Variants in CTNNA3 observed in about 807,000 individuals in gnomAD.
The protein encoded by CTNNA3 is catenin alpha-3.
In CTNNA3, 76 loss-of-function variants were observed where a neutral mutation model predicts 95.7. The observed-to-expected ratio is 0.79, with a 90% CI of 0.66 to 0.96. CTNNA3 has a LOEUF of 0.96. Ranked by LOEUF, CTNNA3 falls within the 40% of genes least tolerant of loss-of-function variation. The probability of loss-of-function intolerance (pLI) is 0.00; values close to 1 mark genes in which losing one functional copy is unlikely to be tolerated. For synonymous variants in CTNNA3, 431 were observed against 374.4 expected (o/e 1.15, Z -1.74); for missense variants, 1,191 against 1,089.8 (o/e 1.09, Z -1.31).
intron 7 of CTNNA3, among the ~76,000 whole-genome samples, chr10:67,071,568 T>C (rs1234916365): frequency 6.6e-6 from 1 of 152,074 alleles, no homozygotes; most frequent in Non-Finnish European, 1.5e-5. Context: ...TCAGCAGTTT[T>C]ACTGAAATGT....
chr10:66,943,519 CT>C (rs34477836), intron 7 of CTNNA3, among the ~76,000 whole-genome samples: 120,842 of 141,470 alleles, frequency 0.85, 53,303 homozygotes, highest in Non-Finnish European at 0.98. Flanking sequence ...TTCCCCCACC[CT>C]TTTTTTTTTT....
chr10:66,764,838 A>C (rs1246514796), intron 9 of CTNNA3, among the ~76,000 whole-genome samples: 1 of 152,224 alleles, frequency 6.6e-6, no homozygotes, highest in Non-Finnish European at 1.5e-5. Context: ...TAAATAATTC[A>C]ATTAATTAAA....
intron 9 of CTNNA3, among the ~76,000 whole-genome samples, chr10:66,755,494 G>A (rs1278571860): frequency 6.6e-6 from 1 of 151,966 alleles, no homozygotes; most frequent in African/African-American, 2.4e-5. Context: ...TTTGTAATTA[G>A]GGAAATGCAA....
chr10:66,125,640 A>G (rs1172751536), intron 13 of CTNNA3, among the ~76,000 whole-genome samples: 1 of 152,222 alleles, frequency 6.6e-6, no homozygotes, highest in Admixed American at 6.5e-5. Context: ...AGAGATGTTC[A>G]TGCTTAGAAT....
chr10:66,647,373 A>C (rs941870052), intron 9 of CTNNA3, among the ~76,000 whole-genome samples: 3 of 152,186 alleles, frequency 2.0e-5, no homozygotes, highest in African/African-American at 7.2e-5. Context: ...TAATTGTTTA[A>C]AATACTTTGG....
intron 9 of CTNNA3, among the ~76,000 whole-genome samples, chr10:66,691,194 C>T (rs751042617): frequency 1.7e-4 from 26 of 152,162 alleles, no homozygotes; most frequent in Non-Finnish European, 3.7e-4. Context: ...TCAGGGAGTT[C>T]CCTTTCCTAG....
intron 6 of CTNNA3, among the ~76,000 whole-genome samples, chr10:67,204,570 A>C (rs1423860274): frequency 2.0e-5 from 3 of 152,172 alleles, no homozygotes; most frequent in Admixed American, 2.0e-4. Flanking sequence ...GCAAGAACAG[A>C]CTAATACAGC....
At chr10:66,393,195 G>A (rs7897082) in intron 11 of CTNNA3, among the ~76,000 whole-genome samples, 24,580 of 152,000 alleles carry the variant, frequency 0.16, 2,730 homozygotes, top group East Asian at 0.45. Flanking sequence ...GCAAAGCTAC[G>A]GGAACAATAA....
At chr10:67,111,917 C>A (rs10997515) in intron 7 of CTNNA3, among the ~76,000 whole-genome samples, 3,370 of 151,988 alleles carry the variant, frequency 0.022, 113 homozygotes, top group African/African-American at 0.077. Context: ...TGAAAAAAAT[C>A]ATCATTTAGA....
rs932589170 is a variant in CTNNA3, at chr10:66,968,889, T to C, written c.1048-193365A>G. Among the ~76,000 whole-genome samples the C allele has an allele frequency of 1.4e-4, 22 of 151,920 alleles. 1 individual carries two copies. The highest frequency in any genetic ancestry group is 4.1e-4 in the African/African-American group (17 of 41,314). On this transcript the variant is annotated intron_variant, in intron 7 of 17. Transcript: ENST00000433211. ...AAAATTAGCTGGGTGTGGTGGCATG[T>C]GCCTGTAATCCTAGCTGCTGGGGGC...
At chr10:67,170,753 T>G (rs1239285063) in intron 7 of CTNNA3, among the ~76,000 whole-genome samples, 1 of 152,118 alleles carries the variant, frequency 6.6e-6, no homozygotes, top group Non-Finnish European at 1.5e-5. Flanking sequence ...CCTTCACATG[T>G]ACCCCTGTAT....
chr10:66,347,635 G>C (rs554722441), intron 12 of CTNNA3, among the ~76,000 whole-genome samples: 1 of 151,586 alleles, frequency 6.6e-6, no homozygotes, highest in East Asian at 1.9e-4. Context: ...CAGACAGCAA[G>C]AATCTACCAA....
At chr10:66,069,255 G>T in intron 15 of CTNNA3, 53 bp downstream of exon 15, 2 of 1,543,312 alleles carry the variant, frequency 1.3e-6, no homozygotes, top group South Asian at 1.1e-5. Flanking sequence ...TCACTAATAT[G>T]ACTAATATTT....
intron 5 of CTNNA3, among the ~76,000 whole-genome samples, chr10:67,347,779 A>G (rs1842484147): frequency 6.6e-6 from 1 of 151,692 alleles, no homozygotes; most frequent in South Asian, 2.1e-4. Flanking sequence ...GACTACTCAT[A>G]GAAAAGAATT....
chr10:67,689,424 T>C (rs1589567752), intron 1 of CTNNA3, among the ~76,000 whole-genome samples: 1 of 152,120 alleles, frequency 6.6e-6, no homozygotes, highest in African/African-American at 2.4e-5. Flanking sequence ...TCCTGAAGTT[T>C]ATACTAGAAA....
intron 7 of CTNNA3, among the ~76,000 whole-genome samples, chr10:66,901,402 G>C (rs1190803176): frequency 1.3e-5 from 2 of 152,150 alleles, no homozygotes; most frequent in African/African-American, 4.8e-5. Context: ...GGAACAACTG[G>C]TACCAGCCAC....
At chr10:66,792,170 A>C (rs1191452924) in intron 7 of CTNNA3, among the ~76,000 whole-genome samples, 1 of 151,900 alleles carries the variant, frequency 6.6e-6, no homozygotes, top group Admixed American at 6.6e-5. Flanking sequence ...TAAAAGAATC[A>C]TTTTTTTTCT....
chr10:66,105,044 C>A (rs1169054788), intron 13 of CTNNA3, among the ~76,000 whole-genome samples: 3 of 152,196 alleles, frequency 2.0e-5, no homozygotes, highest in Non-Finnish European at 4.4e-5. Context: ...GAGCAATACC[C>A]ATCCCTTTGC....
intron 12 of CTNNA3, among the ~76,000 whole-genome samples, chr10:66,348,860 T>A (rs1239872027): frequency 6.6e-6 from 1 of 151,982 alleles, no homozygotes; most frequent in Non-Finnish European, 1.5e-5. Context: ...AATAACAAAA[T>A]TTCCTGGTGC....
Sources: gnomAD v4.1 joint callset for allele counts (sites outside exome capture counted in the v4.1 genomes callset) on GRCh38, gnomAD v4.1.1 for gene constraint, MANE v1.5 for transcripts, NCBI Gene and HGNC (gene_info 2026-07-23, HGNC 2026-07-21) for gene names.